The following PDCD6 variants were observed in gnomAD, a reference collection of about 807,000 sequenced individuals.
PDCD6 encodes programmed cell death 6.
Under a neutral mutation model 28.3 loss-of-function variants are expected in PDCD6, and 12 were observed. That is an observed-to-expected ratio of 0.42 (90% confidence interval 0.27 to 0.69). The LOEUF (loss-of-function observed/expected upper bound fraction) is 0.69, where lower values mean the gene tolerates loss of function less well. PDCD6 is among the 30% of genes least tolerant of loss of function. The probability of loss-of-function intolerance (pLI) is 0.22; values close to 1 mark genes in which losing one functional copy is unlikely to be tolerated. For missense variants in PDCD6, 226 were observed against 269.9 expected, an observed-to-expected ratio of 0.84 and a Z score of 1.14; for synonymous variants, 92 against 108.0, an observed-to-expected ratio of 0.85 and a Z score of 0.92.
chr5:291,429 C>CTGAGGGGAGCATGGGAAATGTCT (rs1739305322), intron 2 of PDCD6, among the ~76,000 whole-genome samples: 3 of 151,838 alleles, frequency 2.0e-5, no homozygotes, highest in South Asian at 2.1e-4. Flanking sequence ...GATCTCCCGT[C>CTGAGGGGAGCATGGGAAATGTCT]TCCATTCTCT....
intron 2 of PDCD6, among the ~76,000 whole-genome samples, chr5:299,033 C>T (rs184819492): frequency 0.037 from 9 of 246 alleles, 2 homozygotes; most frequent in Admixed American, 0.067. Context: ...CCCCCCCAGC[C>T]GCTCCCCCCA....
chr5:302,743 G>A (rs1740185257), intron 2 of PDCD6, among the ~76,000 whole-genome samples: 1 of 150,156 alleles, frequency 6.7e-6, no homozygotes, highest in African/African-American at 2.5e-5. Flanking sequence ...TGTGGGGAGA[G>A]CACAGCTTCC....
At chr5:295,025 G>A (rs529461014) in intron 2 of PDCD6, among the ~76,000 whole-genome samples, 3 of 152,218 alleles carry the variant, frequency 2.0e-5, no homozygotes, top group African/African-American at 7.2e-5. Flanking sequence ...GGGTGGAGGG[G>A]CGAATGGAGG....
At chr5:286,125 G>T (rs1349768863) in intron 2 of PDCD6, among the ~76,000 whole-genome samples, 1 of 150,216 alleles carries the variant, frequency 6.7e-6, no homozygotes, top group South Asian at 2.1e-4. Flanking sequence ...TTTGAGTGCT[G>T]TGCAGCTGGA....
chr5:302,414 TCAG>T lies in PDCD6; in HGVS notation c.164-1762_164-1760del, dbSNP rs1317436438. The stretch of plus-strand genomic sequence containing the variant: ...GCTGCTCTGTGTGTATGCCTCAGGT[TCAG>T]GTGCACCTGCCTTTGTGGGGAGAGC... On this transcript the variant is annotated intron_variant, in intron 2 of 5. Transcript: ENST00000264933. Among the ~76,000 whole-genome samples, 117 of 105,340 alleles carry T rather than the reference TCAG, an allele frequency of 1.1e-3. 4 individuals carry two copies. The highest frequency in any genetic ancestry group is 7.2e-3 in the African/African-American group (114 of 15,810). 69.1% of individuals were successfully genotyped at this position (105,340 alleles called of 152,430 possible).
Position 314,615 on chromosome 5 carries a change from C to A in PDCD6, c.*100C>A. 2 of 856,030 alleles carry A rather than the reference C, an allele frequency of 2.3e-6. No homozygotes were observed. The highest frequency in any genetic ancestry group is 2.5e-5 in the East Asian group (1 of 39,834). The allele number at this position is 856,030 out of a possible 1,614,324, so 53.0% of individuals were successfully genotyped here. On this transcript the variant is annotated 3_prime_UTR_variant, in exon 6 of 6. Coordinates refer to ENST00000264933, the MANE Select transcript of PDCD6 (RefSeq NM_013232.4). The stretch of plus-strand genomic sequence containing the variant: ...AGCACAGGTGCAGTTAGATGCTGTT[C>A]TTCCTTTAGATTTTGTCACGTGGGG...
intron 2 of PDCD6, among the ~76,000 whole-genome samples, chr5:283,580 C>T (rs1476271409): frequency 2.0e-5 from 3 of 151,554 alleles, no homozygotes; most frequent in Non-Finnish European, 2.9e-5. Flanking sequence ...GTTTGAGGGT[C>T]GTGCAGCTGA....
chr5:289,904 T>C (rs1331128534), intron 2 of PDCD6: 5 of 1,505,526 alleles, frequency 3.3e-6, no homozygotes, highest in East Asian at 2.3e-5. Context: ...GAATTGTTTT[T>C]CTCTGAAGAA....
rs113802406 is a variant in PDCD6 at position 302,107 on chromosome 5, T to TGTGTGCGC, written c.164-2069_164-2068insTGTGCGCG. 2.4e-3 allele frequency among the ~76,000 whole-genome samples: 267 copies of TGTGTGCGC among 111,672 alleles called. 11 individuals are homozygous for TGTGTGCGC. The highest frequency in any genetic ancestry group is 0.01 in the African/African-American group (254 of 25,026). The allele number at this position is 111,672 out of a possible 152,430, so 73.3% of individuals were successfully genotyped here. ...GTGTGTGTGTGTGTGTGTGTGTGTG[T>TGTGTGCGC]GCCTTGGGTTCAGGTGCACCTGCCT... On this transcript the variant is annotated intron_variant, in intron 2 of 5. Coordinates refer to ENST00000264933, the MANE Select transcript of PDCD6 (RefSeq NM_013232.4).
At chr5:314,045 AG>A (rs1448124133) in intron 5 of PDCD6, among the ~76,000 whole-genome samples, 1 of 137,026 alleles carries the variant, frequency 7.3e-6, no homozygotes, top group African/African-American at 2.8e-5. Flanking sequence ...CACATGCCCC[AG>A]GTGGCCCCCA....
chr5:309,590 CCGCCGTCCCCGTG>C lies in PDCD6; in HGVS notation c.368-1701_368-1689del, dbSNP rs1363167469. The C allele has an allele frequency of 8.9e-5, 21 of 235,648 alleles. 1 individual carries two copies. Among genetic ancestry groups the C allele is most frequent in the African/African-American group, 4.5e-4 (17 of 38,064 alleles). The allele number at this position is 235,648 out of a possible 1,614,324, so 14.6% of individuals were successfully genotyped here. ...CTGTCCCCGTGCACCCCAGTGATGG[CCGCCGTCCCCGTG>C]CACCCCAGTGATGGCCGCCGTCCCC... On this transcript the variant is annotated intron_variant, in intron 4 of 5. Coordinates refer to ENST00000264933, the MANE Select transcript of PDCD6 (RefSeq NM_013232.4).
chr5:286,100 G>C (rs1351532238), intron 2 of PDCD6, among the ~76,000 whole-genome samples: 1 of 151,128 alleles, frequency 6.6e-6, no homozygotes, highest in Non-Finnish European at 1.5e-5. Flanking sequence ...ACCCAGGGGG[G>C]AGCTGATGTT....
Position 307,647 on chromosome 5 carries a change from A to T in PDCD6, c.367+887A>T, listed in dbSNP as rs115826161. Among the ~76,000 whole-genome samples, 548 of 152,248 alleles carry T rather than the reference A, an allele frequency of 3.6e-3. 2 individuals carry two copies. Among genetic ancestry groups the T allele is most frequent in the African/African-American group, 0.012 (518 of 41,544 alleles). On this transcript the variant is annotated intron_variant, in intron 4 of 5. Transcript: ENST00000264933. The surrounding 1 kb of genome is among the most constrained non-coding windows in gnomAD (Gnocchi z 6.1). The stretch of plus-strand genomic sequence containing the variant: ...CTGTTGGTGGCTGCACCGAGATTCT[A>T]ATCCATGCGGATCTCATCTGGCCCC...
chr5:289,730 T>C, intron 2 of PDCD6: 1 of 854,918 alleles, frequency 1.2e-6, no homozygotes, highest in Non-Finnish European at 2.1e-6. Context: ...ACCTCTTTGC[T>C]GTCTGTGCTG....
Position 300,047 on chromosome 5 carries a change from G to C in PDCD6, c.164-4130G>C, listed in dbSNP as rs1397396388. On this transcript the variant is annotated intron_variant, in intron 2 of 5. Coordinates refer to ENST00000264933, the MANE Select transcript of PDCD6 (RefSeq NM_013232.4). ...ATTTATTGCCCCTGGTGATGGAGCA[G>C]ATTTGATCTGCCTATGTGGGAAGGG... is the stretch of plus-strand genomic sequence containing the variant. Among the ~76,000 whole-genome samples, 3 of 152,188 alleles carry C rather than the reference G, an allele frequency of 2.0e-5. No homozygotes were observed. In the East Asian group the frequency reaches 5.8e-4, roughly 29 times the overall value.
At chr5:288,846 G>C (rs1739149650) in intron 2 of PDCD6, 3 of 1,465,270 alleles carry the variant, frequency 2.0e-6, no homozygotes, top group Non-Finnish European at 2.8e-6. Flanking sequence ...TTGTTCCATT[G>C]GTTCATCGGT....
At chr5:301,831 G>A (rs1740076416) in intron 2 of PDCD6, among the ~76,000 whole-genome samples, 1 of 147,734 alleles carries the variant, frequency 6.8e-6, no homozygotes, top group South Asian at 2.2e-4. Flanking sequence ...TGTGGGAAGA[G>A]CACAGCTTCT....
intron 2 of PDCD6, among the ~76,000 whole-genome samples, chr5:273,995 T>G (rs28654906): frequency 0.24 from 35,304 of 150,080 alleles, 6,525 homozygotes; most frequent in African/African-American, 0.52. Flanking sequence ...AAGACGTGGC[T>G]ACTAGAAAGA....
chr5:274,359 T>C (rs1250428734), intron 2 of PDCD6, among the ~76,000 whole-genome samples: 1 of 152,270 alleles, frequency 6.6e-6, no homozygotes, highest in Non-Finnish European at 1.5e-5. Context: ...GGTGGTCAAA[T>C]ACTGGACCGC....
Sources: allele counts gnomAD v4.1 joint callset (sites outside exome capture counted in the v4.1 genomes callset), GRCh38; gene constraint gnomAD v4.1.1; non-coding constraint Gnocchi (gnomAD v3.1); transcripts MANE v1.5; gene names NCBI Gene and HGNC (gene_info 2026-07-23, HGNC 2026-07-21).